Variants in BICD1 observed in about 807,000 individuals in gnomAD.
BICD1 encodes the protein BICD cargo adaptor 1.
Under a neutral mutation model 92.5 loss-of-function variants are expected in BICD1, and 35 were observed. That is an observed-to-expected ratio of 0.38 (90% CI 0.29 to 0.50). The LOEUF (loss-of-function observed/expected upper bound fraction) is 0.50. Among genes scored for constraint, BICD1 ranks in the 20% least tolerant of loss-of-function variants. The pLI, the probability that BICD1 is intolerant of heterozygous loss-of-function variation, is 0.93. For missense variants in BICD1, 950 were observed against 1,189.8 expected, an observed-to-expected ratio of 0.80 and a Z score of 2.97; for synonymous variants, 429 against 465.1, an observed-to-expected ratio of 0.92 and a Z score of 1.00.
chr12:32,316,009 G>A (rs1055871765), intron 4 of BICD1, among the ~76,000 whole-genome samples: 22 of 151,694 alleles, frequency 1.5e-4, no homozygotes, highest in Non-Finnish European at 2.4e-4. Flanking sequence ...GGTGGTGTGC[G>A]CCTGTAATCC....
In BICD1 at chr12:32,346,204, A is replaced by T. The variant is rs150887200; in HGVS notation, c.2764+7225A>T. The stretch of plus-strand genomic sequence containing the variant: ...TAATTTTAGTAGTAGATTTTAATTG[A>T]CACACTATATCCATAATGTGATCAT... On this transcript the variant is annotated intron_variant, in intron 8 of 9. Coordinates refer to ENST00000652176, the MANE Select transcript of BICD1 (RefSeq NM_001714.4). 1.4e-3 allele frequency among the ~76,000 whole-genome samples: 219 copies of T among 151,908 alleles called. 1 individual carries two copies. Among genetic ancestry groups the T allele is most frequent in the African/African-American group, 5.1e-3 (210 of 41,446 alleles).
chr12:32,288,223 A>ATTTTTTTTTTTTTTT (rs34913740), intron 2 of BICD1, among the ~76,000 whole-genome samples: 4 of 109,522 alleles, frequency 3.7e-5, no homozygotes, highest in African/African-American at 1.1e-4. Flanking sequence ...CCAAGTCCTA[A>ATTTTTTTTTTTTTTT]TTTTTTTTTT....
At chr12:32,165,651 T>TAC (rs935553088) in intron 1 of BICD1, among the ~76,000 whole-genome samples, 1 of 146,798 alleles carries the variant, frequency 6.8e-6, no homozygotes, top group African/African-American at 2.5e-5. Context: ...GCCACTGTAC[T>TAC]ACAGTCTGGT....
chr12:32,347,143 G>T (rs1402092229), intron 8 of BICD1, among the ~76,000 whole-genome samples: 4 of 150,746 alleles, frequency 2.7e-5, no homozygotes, highest in East Asian at 2.0e-4. Flanking sequence ...TAGAGACAGG[G>T]TTTCTCCATG....
intron 3 of BICD1, among the ~76,000 whole-genome samples, chr12:32,305,141 T>C (rs11051920): frequency 0.17 from 25,583 of 152,164 alleles, 2,758 homozygotes; most frequent in African/African-American, 0.3. Context: ...ACAATGATCT[T>C]TGCATTTTCA....
intron 8 of BICD1, among the ~76,000 whole-genome samples, chr12:32,347,051 A>G (rs917473852): frequency 1.3e-4 from 19 of 150,844 alleles, no homozygotes; most frequent in African/African-American, 3.9e-4. Context: ...TCCCAGGTTC[A>G]AGCGATTCTC....
Position 32,346,560 on chromosome 12 carries a change from A to G in BICD1, c.2764+7581A>G, listed in dbSNP as rs867661037. On this transcript the variant is annotated intron_variant, in intron 8 of 9. Coordinates refer to ENST00000652176, the MANE Select transcript of BICD1 (RefSeq NM_001714.4). Reference sequence around the variant, plus strand: ...TGTATATATATATATATATATATATATATATATATATATATATATATACGT... The same window carrying G: ...TGTATATATATATATATATATATATGTATATATATATATATATATATACGT... Among the ~76,000 whole-genome samples, 135 of 21,136 alleles carry G rather than the reference A, an allele frequency of 6.4e-3. 3 individuals carry two copies. The highest frequency in any genetic ancestry group is 0.013 in the African/African-American group (49 of 3,824). The allele number at this position is 21,136 out of a possible 152,430, so 13.9% of individuals were successfully genotyped here.
At chr12:32,333,150 A>G (rs1210535495) in intron 5 of BICD1, 1 of 984,400 alleles carries the variant, frequency 1.0e-6, no homozygotes, top group Admixed American at 6.1e-5. Context: ...TGTTACATCT[A>G]CATTTCACAA....
chr12:32,360,177 CAA>C (rs200083582), intron 8 of BICD1, among the ~76,000 whole-genome samples: 2 of 133,740 alleles, frequency 1.5e-5, no homozygotes, highest in African/African-American at 5.6e-5. Flanking sequence ...GACTCCATCT[CAA>C]AAAAAAAAAA....
intron 2 of BICD1, among the ~76,000 whole-genome samples, chr12:32,277,311 T>C (rs1329924522): frequency 2.0e-5 from 3 of 152,168 alleles, no homozygotes; most frequent in Non-Finnish European, 2.9e-5. Context: ...GGAAAATTGC[T>C]TGAACCGGGG....
chr12:32,334,456 A>T, intron 5 of BICD1, 60 bp from the exon 6 acceptor site: 1 of 1,510,030 alleles, frequency 6.6e-7, no homozygotes, highest in African/African-American at 1.4e-5. Context: ...AGCATGAAGC[A>T]ATCTGTATGA....
intron 7 of BICD1, chr12:32,338,247 A>C (rs1938214571): frequency 5.3e-6 from 1 of 189,646 alleles, no homozygotes; most frequent in Non-Finnish European, 1.1e-5. Flanking sequence ...TAACGGGGCA[A>C]GGATATGAAT....
At position 32,328,154 on chromosome 12, in the gene BICD1, G is replaced by A. The variant is rs199952837; in HGVS notation, c.1699G>A (p.Gly567Ser). The change falls in exon 5 of 10, where the codon GGT becomes AGT. Residue 567 changes from glycine to serine, a missense_variant. Gly to Ser is a moderately conservative substitution (Grantham distance 56, BLOSUM62 0). This residue lies in a region of BICD1 where 309 missense variants were observed against 499.4 expected (regional missense o/e 0.62). Transcript: ENST00000652176. The surrounding 1 kb of genome is among the most constrained non-coding windows in gnomAD (Gnocchi z 4.4). Reference sequence around the variant, plus strand: ...TTTGTCCCCACGATTAGCCAGGCGGGGTGTGTCATCCCCGGTAGAAACAAG... The same window carrying A: ...TTTGTCCCCACGATTAGCCAGGCGGAGTGTGTCATCCCCGGTAGAAACAAG... Reference protein sequence around the residue: ...GLLSPRLARRGVSSPVETRTS... With the variant: ...GLLSPRLARRSVSSPVETRTS... 1 of 1,614,114 alleles carries A rather than the reference G, an allele frequency of 6.2e-7. No homozygotes were observed. Among genetic ancestry groups the A allele is most frequent in the Non-Finnish European group, 8.5e-7 (1 of 1,180,024 alleles).
chr12:32,242,084 G>A (rs1946252403), intron 2 of BICD1, among the ~76,000 whole-genome samples: 1 of 150,956 alleles, frequency 6.6e-6, no homozygotes, highest in Admixed American at 6.6e-5. Flanking sequence ...GCATGATGGT[G>A]TGCACCTTTA....
chr12:32,336,724 T>C lies in BICD1; in HGVS notation c.2253-775T>C, dbSNP rs572099416. Reference sequence around the variant, plus strand: ...CTACTGTAAGACACTTCAGGTATAGTGGACATTGTGTGAGACTTGACTGTT... The same window carrying C: ...CTACTGTAAGACACTTCAGGTATAGCGGACATTGTGTGAGACTTGACTGTT... On this transcript the variant is annotated intron_variant, in intron 6 of 9. Coordinates refer to ENST00000652176, the MANE Select transcript of BICD1 (RefSeq NM_001714.4). Among the ~76,000 whole-genome samples the C allele has an allele frequency of 1.6e-4, 25 of 152,364 alleles. 1 individual carries two copies. Among genetic ancestry groups the C allele is most frequent in the Admixed American group, 1.1e-3 (17 of 15,306 alleles).
chr12:32,367,663 C>T lies in BICD1; in HGVS notation c.2765-7C>T. ...GTACACATGTCTAATTTATCAGTTT[C>T]TTGTAGATTGTCAGCAGCCTGCTGC... On this transcript the variant is annotated splice_region_variant and splice_polypyrimidine_tract_variant and intron_variant, in intron 8 of 9. Transcript: ENST00000652176. The T allele has an allele frequency of 6.2e-7, 1 of 1,613,486 alleles. No individual in the cohort carries two copies. The highest frequency in any genetic ancestry group is 1.1e-5 in the South Asian group (1 of 91,088).
At chr12:32,130,931 G>A (rs1716939) in intron 1 of BICD1, among the ~76,000 whole-genome samples, 43,969 of 151,824 alleles carry the variant, frequency 0.29, 6,605 homozygotes, top group Admixed American at 0.43. Context: ...TCTGCCTTTC[G>A]GGTTCAAGCA....
chr12:32,129,677 C>G (rs1942469051), intron 1 of BICD1, among the ~76,000 whole-genome samples: 1 of 152,082 alleles, frequency 6.6e-6, no homozygotes. Flanking sequence ...GCCTAAAACT[C>G]TTTCTTCAAC....
intron 4 of BICD1, among the ~76,000 whole-genome samples, chr12:32,308,509 T>C (rs912213574): frequency 2.0e-5 from 3 of 152,210 alleles, no homozygotes; most frequent in African/African-American, 7.2e-5. Flanking sequence ...GCTCATTAAT[T>C]ATGAACTGTT....
Sources: gnomAD v4.1 joint callset for allele counts (sites outside exome capture counted in the v4.1 genomes callset) on GRCh38, gnomAD v4.1.1 for gene constraint, gnomAD v4.1.1 regional missense constraint, Gnocchi (gnomAD v3.1) non-coding constraint, MANE v1.5 for transcripts, NCBI Gene and HGNC (gene_info 2026-07-23, HGNC 2026-07-21) for gene names.